Variants in ADAM18 observed in about 807,000 individuals in gnomAD.
ADAM18 encodes the protein ADAM metallopeptidase domain 18, also known as disintegrin and metalloproteinase domain-containing protein 18.
ADAM18 carries 117 observed loss-of-function variants against 94.4 expected under a neutral mutation model. That is an observed-to-expected ratio of 1.24 (90% confidence interval 1.07 to 1.45). The LOEUF (loss-of-function observed/expected upper bound fraction) is 1.45, where lower values mean the gene tolerates loss of function less well. ADAM18 is among the 40% of genes most tolerant of loss of function. ADAM18 has a pLI of 0.00. For synonymous variants in ADAM18, 327 were observed against 291.6 expected (o/e 1.12, Z -1.24); for missense variants, 936 against 880.0 (o/e 1.06, Z -0.81).
chr8:39,680,883 G>A (rs924882775), intron 16 of ADAM18, among the ~76,000 whole-genome samples: 3 of 152,114 alleles, frequency 2.0e-5, no homozygotes, highest in African/African-American at 4.8e-5. Flanking sequence ...TATTTGATGC[G>A]TAAAAATAAA....
rs149942769 is a variant in ADAM18 at position 39,592,862 on chromosome 8, C to T, written c.132+7510C>T. 7.6e-3 allele frequency among the ~76,000 whole-genome samples: 1,154 copies of T among 152,288 alleles called. 10 individuals are homozygous for T. Among genetic ancestry groups the T allele is most frequent in the African/African-American group, 0.026 (1,098 of 41,562 alleles). On this transcript the variant is annotated intron_variant, in intron 2 of 19. Transcript: ENST00000265707. ...AAAAAGTGCTATGCATGGATTTCCC[C>T]TCTCTAGCTATGAAAGTCTCTAGCT...
intron 18 of ADAM18, among the ~76,000 whole-genome samples, chr8:39,711,745 C>G (rs1352387333): frequency 4.0e-5 from 6 of 151,892 alleles, no homozygotes; most frequent in African/African-American, 1.5e-4. Context: ...GAGATTTGAT[C>G]AGGGCCCAAG....
At chr8:39,601,165 C>T (rs750818597) in intron 2 of ADAM18, among the ~76,000 whole-genome samples, 8 of 152,176 alleles carry the variant, frequency 5.3e-5, no homozygotes, top group Non-Finnish European at 8.8e-5. Flanking sequence ...GGGAAATCTG[C>T]CTTTCTGATC....
At chr8:39,672,893 T>TTA (rs1431966345) in intron 14 of ADAM18, among the ~76,000 whole-genome samples, 2 of 152,198 alleles carry the variant, frequency 1.3e-5, no homozygotes, top group African/African-American at 4.8e-5. Context: ...CACCAGGAGT[T>TTA]AAATAGAGTC....
intron 17 of ADAM18, among the ~76,000 whole-genome samples, chr8:39,699,033 C>A (rs996542242): frequency 6.6e-6 from 1 of 151,950 alleles, no homozygotes; most frequent in Non-Finnish European, 1.5e-5. Context: ...CTTTCCAACC[C>A]CTGCATTTCA....
intron 13 of ADAM18, among the ~76,000 whole-genome samples, chr8:39,664,126 C>A (rs767498030): frequency 6.6e-6 from 1 of 152,168 alleles, no homozygotes; most frequent in Non-Finnish European, 1.5e-5. Flanking sequence ...CCACTTAATA[C>A]GTGCAAACAT....
intron 17 of ADAM18, among the ~76,000 whole-genome samples, chr8:39,699,022 A>T (rs1821996728): frequency 6.6e-6 from 1 of 151,944 alleles, no homozygotes. Context: ...TCACAACTCC[A>T]CTTTCCAACC....
intron 10 of ADAM18, among the ~76,000 whole-genome samples, chr8:39,641,239 A>G (rs1369730217): frequency 6.6e-6 from 1 of 152,044 alleles, no homozygotes; most frequent in African/African-American, 2.4e-5. Context: ...CAGTTCTCCC[A>G]GCACCATTTA....
chr8:39,682,289 G>A (rs994394571), intron 16 of ADAM18, among the ~76,000 whole-genome samples: 1 of 152,168 alleles, frequency 6.6e-6, no homozygotes, highest in South Asian at 2.1e-4. Context: ...AAAGATATTT[G>A]TGAGCATGTC....
intron 3 of ADAM18, among the ~76,000 whole-genome samples, chr8:39,608,253 A>G (rs1462383857): frequency 6.6e-6 from 1 of 151,974 alleles, no homozygotes; most frequent in Non-Finnish European, 1.5e-5. Flanking sequence ...ATCTTAGTTC[A>G]AAGCACCATC....
At chr8:39,619,158 C>T (rs1432370485) in intron 6 of ADAM18, among the ~76,000 whole-genome samples, 1 of 151,998 alleles carries the variant, frequency 6.6e-6, no homozygotes, top group Non-Finnish European at 1.5e-5. Flanking sequence ...ATTGTAGCAC[C>T]TAAATAGATA....
intron 2 of ADAM18, among the ~76,000 whole-genome samples, chr8:39,587,725 C>G (rs1008020235): frequency 2.0e-5 from 3 of 152,098 alleles, no homozygotes; most frequent in Non-Finnish European, 4.4e-5. Flanking sequence ...GCATTACAGG[C>G]GTTAGCCACC....
intron 5 of ADAM18, among the ~76,000 whole-genome samples, chr8:39,610,204 C>T (rs1585894902): frequency 6.6e-6 from 1 of 152,176 alleles, no homozygotes; most frequent in African/African-American, 2.4e-5. Context: ...CCTTATCAAA[C>T]CTCTGGAAGA....
At chr8:39,695,324 C>T (rs769494360) in intron 17 of ADAM18, among the ~76,000 whole-genome samples, 7 of 151,480 alleles carry the variant, frequency 4.6e-5, no homozygotes, top group Non-Finnish European at 1.0e-4. Context: ...AATTGTCTTT[C>T]AAAGTAGATG....
At chr8:39,710,969 G>C (rs895221619) in intron 18 of ADAM18, among the ~76,000 whole-genome samples, 5 of 152,192 alleles carry the variant, frequency 3.3e-5, no homozygotes, top group African/African-American at 1.2e-4. Context: ...TAGGCTCAGC[G>C]AAAGTCTGGC....
intron 18 of ADAM18, among the ~76,000 whole-genome samples, chr8:39,717,124 C>T (rs1002389310): frequency 2.6e-5 from 4 of 151,530 alleles, no homozygotes; most frequent in East Asian, 3.9e-4. Flanking sequence ...TTGTGTGTTG[C>T]GTGTCTGTGA....
intron 18 of ADAM18, among the ~76,000 whole-genome samples, chr8:39,715,550 C>T (rs1822544564): frequency 6.7e-6 from 1 of 149,854 alleles, no homozygotes; most frequent in Non-Finnish European, 1.5e-5. Flanking sequence ...ATTGATAAAC[C>T]TCTGGCCATA....
rs564802513 is a variant in ADAM18, at chr8:39,664,282, A to G, written c.1326+392A>G. ...TTATTTTTGTCTTTATTCCCTAAAC[A>G]ATACAGTATAACTATTTACATAGCA... On this transcript the variant is annotated intron_variant, in intron 13 of 19. Transcript: ENST00000265707. 9.2e-5 allele frequency among the ~76,000 whole-genome samples: 14 copies of G among 152,326 alleles called. No homozygotes were observed. In the East Asian group the frequency reaches 2.7e-3, roughly 29 times the overall value.
chr8:39,619,177 A>G (rs1320632612), intron 6 of ADAM18, among the ~76,000 whole-genome samples: 1 of 152,244 alleles, frequency 6.6e-6, no homozygotes, highest in Non-Finnish European at 1.5e-5. Context: ...TAAAGCAAAC[A>G]TTAATAGATC....
Sources: gnomAD v4.1 joint callset for allele counts (sites outside exome capture counted in the v4.1 genomes callset) on GRCh38, gnomAD v4.1.1 for gene constraint, MANE v1.5 for transcripts, NCBI Gene and HGNC (gene_info 2026-07-23, HGNC 2026-07-21) for gene names.